The following TMEM260 variants were observed in gnomAD, a reference collection of about 807,000 sequenced individuals.
TMEM260 encodes transmembrane protein 260.
In TMEM260, 82 loss-of-function variants were observed where a neutral mutation model predicts 88.9. The ratio of observed to expected loss-of-function variants is 0.92; its 90% confidence interval spans 0.77 to 1.11. The LOEUF (loss-of-function observed/expected upper bound fraction) is 1.11, where lower values mean the gene tolerates loss of function less well. Among genes scored for constraint, TMEM260 ranks in the 50% least tolerant of loss-of-function variants. TMEM260 has a pLI of 0.00. For missense variants in TMEM260, 902 were observed against 853.4 expected (o/e 1.06, Z -0.71); for synonymous variants, 314 against 309.3 (o/e 1.02, Z -0.16).
At chr14:56,581,628 A>G (rs1472903540) in intron 1 of TMEM260, among the ~76,000 whole-genome samples, 4 of 152,340 alleles carry the variant, frequency 2.6e-5, no homozygotes, top group African/African-American at 7.2e-5. Context: ...GGCACTTACT[A>G]TGTGCCAGGC....
chr14:56,600,213 G>C (rs544952787), intron 3 of TMEM260, among the ~76,000 whole-genome samples: 5 of 152,098 alleles, frequency 3.3e-5, no homozygotes, highest in African/African-American at 4.8e-5. Context: ...TTCATATTCC[G>C]TATATCCTAT....
rs764962782 is a variant in TMEM260 at position 56,625,540 on chromosome 14, C to A, written c.1547+10C>A. The A allele has an allele frequency of 1.9e-5, 29 of 1,566,168 alleles. No individual in the cohort carries two copies. The highest frequency in any genetic ancestry group is 2.5e-5 in the Non-Finnish European group (29 of 1,146,314). ...TTGAAGTAAATAAACAGTAAGCATT[C>A]TTTTTATATAATAGCTTTTCTAAAA... On this transcript the variant is annotated intron_variant, in intron 12 of 15. Coordinates refer to ENST00000261556, the MANE Select transcript of TMEM260 (RefSeq NM_017799.4).
intron 3 of TMEM260, among the ~76,000 whole-genome samples, chr14:56,596,977 TTTAA>T (rs1314252538): frequency 1.3e-5 from 2 of 152,006 alleles, no homozygotes; most frequent in African/African-American, 4.8e-5. Flanking sequence ...TGGGTCTTTT[TTTAA>T]TAAATATAGA....
At position 56,633,550 on chromosome 14, in the gene TMEM260, T is replaced by A. The variant is rs140075161; in HGVS notation, c.1724+379T>A. 553 of 156,116 alleles carry A rather than the reference T, an allele frequency of 3.5e-3. 5 individuals are homozygous for A. The highest frequency in any genetic ancestry group is 0.013 in the African/African-American group (536 of 41,650). The allele number at this position is 156,116 out of a possible 1,614,324, so 9.7% of individuals were successfully genotyped here. Reference sequence around the variant, plus strand: ...AGGCATTCTGTTGTTTATGATAGTTTCCATATGCACAAACTTGTCATTTTT... The same window carrying A: ...AGGCATTCTGTTGTTTATGATAGTTACCATATGCACAAACTTGTCATTTTT... On this transcript the variant is annotated intron_variant, in intron 13 of 15. Transcript: ENST00000261556.
chr14:56,649,736 A>G (rs1330999478), downstream of TMEM260, among the ~76,000 whole-genome samples: 2 of 152,160 alleles, frequency 1.3e-5, no homozygotes, highest in Non-Finnish European at 2.9e-5. Flanking sequence ...AATTTTTTAA[A>G]TATGTGTCTG....
intron 6 of TMEM260, among the ~76,000 whole-genome samples, chr14:56,610,353 G>C (rs1410841518): frequency 6.6e-6 from 1 of 152,140 alleles, no homozygotes; most frequent in African/African-American, 2.4e-5. Flanking sequence ...CCATTCTGCT[G>C]CCTCAGCCTC....
At chr14:56,647,222 A>G in intron 15 of TMEM260, 21 bp from the exon 16 acceptor site, 1 of 1,577,190 alleles carries the variant, frequency 6.3e-7, no homozygotes, top group Non-Finnish European at 8.6e-7. Flanking sequence ...ATGGAATACC[A>G]ACATTTCTGC....
intron 10 of TMEM260, among the ~76,000 whole-genome samples, 190 bp from the exon 11 acceptor site, chr14:56,621,341 A>G (rs960475034): frequency 1.3e-5 from 2 of 152,094 alleles, no homozygotes; most frequent in Admixed American, 6.6e-5. Flanking sequence ...TTTTTTTTCA[A>G]TTGCACAATT....
intron 3 of TMEM260, among the ~76,000 whole-genome samples, chr14:56,603,063 C>G (rs959435538): frequency 6.6e-5 from 10 of 152,110 alleles, no homozygotes; most frequent in African/African-American, 2.4e-4. Context: ...TCCACACTAC[C>G]AGTCTCAAAA....
chr14:56,642,513 G>A (rs1192691917), intron 15 of TMEM260, among the ~76,000 whole-genome samples: 3 of 152,160 alleles, frequency 2.0e-5, no homozygotes, highest in Admixed American at 6.5e-5. Flanking sequence ...AAAGCAGTGT[G>A]TGGAGGGAAA....
At chr14:56,618,541 T>C (rs1887720875) in intron 9 of TMEM260, 53 bp from the exon 10 acceptor site, 11 of 1,538,478 alleles carry the variant, frequency 7.1e-6, no homozygotes, top group South Asian at 1.2e-5. Context: ...GAGGAGCTGA[T>C]TGATAGCATT....
intron 1 of TMEM260, among the ~76,000 whole-genome samples, chr14:56,584,377 A>G (rs994026676): frequency 1.1e-4 from 17 of 152,196 alleles, no homozygotes; most frequent in African/African-American, 4.1e-4. Flanking sequence ...ACTGCATCAT[A>G]ATTTTAGAAA....
Position 56,636,690 on chromosome 14 carries a change from ATTT to A in TMEM260, c.1869+95_1869+97del, listed in dbSNP as rs35894413. The A allele has an allele frequency of 1.5e-3, 1,573 of 1,081,178 alleles. 24 individuals are homozygous for A. In the African/African-American group the frequency reaches 0.022, roughly 15 times the overall value. The allele number at this position is 1,081,178 out of a possible 1,614,324, so 67.0% of individuals were successfully genotyped here. A position where few individuals can be genotyped will look rare whatever the true frequency, so the allele number is the denominator to read the frequency against. ...TGGATAGAGGGTATATCACATTAGA[ATTT>A]TTATTATTTTATTTCTCTCAATTTG... On this transcript the variant is annotated intron_variant, in intron 15 of 15. Transcript: ENST00000261556.
At chr14:56,598,024 T>G (rs1397869618) in intron 3 of TMEM260, among the ~76,000 whole-genome samples, 2 of 152,188 alleles carry the variant, frequency 1.3e-5, no homozygotes, top group Admixed American at 1.3e-4. Context: ...GTACCATAGT[T>G]GGTTGGAGAT....
intron 11 of TMEM260, among the ~76,000 whole-genome samples, chr14:56,625,103 C>G (rs979874464): frequency 1.1e-4 from 17 of 152,126 alleles, no homozygotes; most frequent in Non-Finnish European, 2.4e-4. Context: ...GACCCCTGCT[C>G]TAGGTATAAG....
chr14:56,587,365 CATT>C (rs1184895720), intron 3 of TMEM260, among the ~76,000 whole-genome samples: 1 of 151,874 alleles, frequency 6.6e-6, no homozygotes, highest in Non-Finnish European at 1.5e-5. Flanking sequence ...TGTTTTTCAA[CATT>C]ATTAATTGTT....
intron 7 of TMEM260, chr14:56,613,181 G>A (rs2139577703): frequency 6.6e-6 from 1 of 152,062 alleles, no homozygotes; most frequent in Non-Finnish European, 1.5e-5. Context: ...GAAGAAAATA[G>A]GTTTCTACAA....
rs529055578 is a variant in TMEM260, at chr14:56,612,482, G to A, written c.857+197G>A. On this transcript the variant is annotated intron_variant, in intron 7 of 15. Transcript: ENST00000261556. ...GGTATTGGTTACAGGAACTCCTAAGGATATAAAAATCCATGGGTGCTCAAG... is the reference window on the plus strand; with the variant it reads ...GGTATTGGTTACAGGAACTCCTAAGAATATAAAAATCCATGGGTGCTCAAG... The A allele has an allele frequency of 1.6e-5, 9 of 577,816 alleles. No homozygotes were observed. In the East Asian group the frequency reaches 2.6e-4, roughly 17 times the overall value. The allele number at this position is 577,816 out of a possible 1,614,324, so 35.8% of individuals were successfully genotyped here.
At position 56,640,807 on chromosome 14, in the gene TMEM260, C is replaced by T. The variant is rs192434197; in HGVS notation, c.1869+4209C>T. Reference sequence around the variant, plus strand: ...CAATGCAGAGAAGTCCTTAAAGGACCTGATGGAGCTGAAAACCACAGCACG... The same window carrying T: ...CAATGCAGAGAAGTCCTTAAAGGACTTGATGGAGCTGAAAACCACAGCACG... On this transcript the variant is annotated intron_variant, in intron 15 of 15. Coordinates refer to ENST00000261556, the MANE Select transcript of TMEM260 (RefSeq NM_017799.4). Among the ~76,000 whole-genome samples the T allele has an allele frequency of 4.2e-3, 636 of 151,762 alleles. 6 individuals carry two copies. Among genetic ancestry groups the T allele is most frequent in the African/African-American group, 0.015 (616 of 41,374 alleles).
Sources: gnomAD v4.1 joint callset for allele counts (sites outside exome capture counted in the v4.1 genomes callset) on GRCh38, gnomAD v4.1.1 for gene constraint, MANE v1.5 for transcripts, NCBI Gene and HGNC (gene_info 2026-07-23, HGNC 2026-07-21) for gene names.